SHISA9: variants seen among roughly 807,000 people sequenced by gnomAD.
SHISA9 encodes protein shisa-9.
Under a neutral mutation model 38.0 loss-of-function variants are expected in SHISA9, and 13 were observed. The observed-to-expected ratio is 0.34, with a 90% CI of 0.22 to 0.54. The LOEUF (loss-of-function observed/expected upper bound fraction) is 0.54, where lower values mean the gene tolerates loss of function less well. Ranked by LOEUF, SHISA9 falls within the 20% of genes least tolerant of loss-of-function variation. The pLI is 0.91. For missense variants in SHISA9, 538 were observed against 575.8 expected (o/e 0.93, Z 0.67); for synonymous variants, 275 against 242.0 (o/e 1.14, Z -1.27).
At chr16:13,289,733 T>A in the SHISA9 span, among the ~76,000 whole-genome samples, 1 of 152,024 alleles carries the variant, frequency 6.6e-6, no homozygotes, top group Non-Finnish European at 1.5e-5. Flanking sequence ...GCTGATTAAT[T>A]TCTGGGAGCA....
chr16:13,185,286 C>A (rs1222820627), intron 2 of SHISA9, among the ~76,000 whole-genome samples: 1 of 152,198 alleles, frequency 6.6e-6, no homozygotes, highest in African/African-American at 2.4e-5. Flanking sequence ...ATTGTAGCAT[C>A]AAACTCCTGG....
At chr16:12,911,952 T>C (rs1026369368) in intron 1 of SHISA9, among the ~76,000 whole-genome samples, 2 of 152,260 alleles carry the variant, frequency 1.3e-5, no homozygotes, top group African/African-American at 4.8e-5. Context: ...TACCCCAAGC[T>C]AATAAATAAT....
chr16:13,520,351 G>A, the SHISA9 span, among the ~76,000 whole-genome samples: 1 of 152,090 alleles, frequency 6.6e-6, no homozygotes, highest in Non-Finnish European at 1.5e-5. Context: ...TGTAATCCCA[G>A]CACTTTGGGA....
intron 2 of SHISA9, among the ~76,000 whole-genome samples, chr16:12,928,129 G>A (rs1292220451): frequency 6.6e-6 from 1 of 152,072 alleles, no homozygotes; most frequent in South Asian, 2.1e-4. Flanking sequence ...AATGAAGTTA[G>A]CCTCATGAAA....
chr16:13,263,692 G>C, the SHISA9 span, among the ~76,000 whole-genome samples: 2 of 152,196 alleles, frequency 1.3e-5, no homozygotes, highest in African/African-American at 2.4e-5. Flanking sequence ...ATACAGTCAG[G>C]GACATATAAT....
At chr16:13,540,465 G>C in the SHISA9 span, among the ~76,000 whole-genome samples, 2 of 152,170 alleles carry the variant, frequency 1.3e-5, no homozygotes, top group African/African-American at 4.8e-5. Context: ...CCGAGGTTTA[G>C]GGCCTACACT....
chr16:13,035,603 T>G (rs2073048578), intron 2 of SHISA9, among the ~76,000 whole-genome samples: 1 of 152,058 alleles, frequency 6.6e-6, no homozygotes, highest in Non-Finnish European at 1.5e-5. Context: ...TGATGTCGGC[T>G]CACTGCAACT....
At chr16:12,905,265 CAGTT>C (rs1185610607) in intron 1 of SHISA9, among the ~76,000 whole-genome samples, 2 of 152,168 alleles carry the variant, frequency 1.3e-5, no homozygotes, top group African/African-American at 2.4e-5. Context: ...CAAGATCACA[CAGTT>C]AGGAAATTAT....
chr16:13,500,015 G>C, the SHISA9 span, among the ~76,000 whole-genome samples: 1 of 152,260 alleles, frequency 6.6e-6, no homozygotes, highest in East Asian at 1.9e-4. Context: ...TAGCAGCGTG[G>C]TGTGATAGAT....
chr16:13,475,997 C>T, the SHISA9 span, among the ~76,000 whole-genome samples: 4 of 152,148 alleles, frequency 2.6e-5, no homozygotes, highest in South Asian at 8.3e-4. Context: ...TTTGCTTGCC[C>T]ACTGCTCACC....
intron 2 of SHISA9, among the ~76,000 whole-genome samples, chr16:12,958,225 G>A (rs868557430): frequency 2.6e-5 from 4 of 152,094 alleles, no homozygotes; most frequent in African/African-American, 4.8e-5. Flanking sequence ...AAGGTAGTGC[G>A]GTATTCCATT....
At chr16:13,051,087 T>C (rs187383612) in intron 2 of SHISA9, among the ~76,000 whole-genome samples, 132 of 152,288 alleles carry the variant, frequency 8.7e-4, no homozygotes, top group African/African-American at 3.0e-3. Flanking sequence ...TGCATCCTAC[T>C]GAGTACGTAC....
chr16:13,266,854 A>G, the SHISA9 span, among the ~76,000 whole-genome samples: 2 of 152,208 alleles, frequency 1.3e-5, no homozygotes, highest in African/African-American at 4.8e-5. Flanking sequence ...TGGGGAAGGC[A>G]GGGATTATTT....
chr16:13,419,904 T>G, the SHISA9 span, among the ~76,000 whole-genome samples: 1 of 151,130 alleles, frequency 6.6e-6, no homozygotes. Flanking sequence ...CAATGTTTAG[T>G]GAAATCTACA....
the SHISA9 span, among the ~76,000 whole-genome samples, chr16:13,315,682 A>C: frequency 6.6e-6 from 1 of 152,246 alleles, no homozygotes; most frequent in Non-Finnish European, 1.5e-5. Context: ...TGAGAATTAA[A>C]TAAATTACTG....
At chr16:13,502,001 CA>C in the SHISA9 span, among the ~76,000 whole-genome samples, 417 of 129,080 alleles carry the variant, frequency 3.2e-3, 1 homozygote, top group African/African-American at 9.2e-3. Flanking sequence ...AACTCCGTAT[CA>C]AAAAAAAAAA....
chr16:13,000,822 T>A (rs1181840660), intron 2 of SHISA9, among the ~76,000 whole-genome samples: 1 of 152,228 alleles, frequency 6.6e-6, no homozygotes, highest in Non-Finnish European at 1.5e-5. Flanking sequence ...ACAAGCTGTA[T>A]AAGACTGAGA....
At chr16:12,992,003 C>T (rs1019218651) in intron 2 of SHISA9, among the ~76,000 whole-genome samples, 2 of 151,972 alleles carry the variant, frequency 1.3e-5, no homozygotes, top group Admixed American at 1.3e-4. Context: ...TAGAAGGGTA[C>T]CCAGCACATA....
chr16:13,561,349 T>C, the SHISA9 span, among the ~76,000 whole-genome samples: 1 of 152,132 alleles, frequency 6.6e-6, no homozygotes. Flanking sequence ...TTGCAGCATC[T>C]CCAACTAGGA....
Sources: allele counts gnomAD v4.1 joint callset (sites outside exome capture counted in the v4.1 genomes callset), GRCh38; gene constraint gnomAD v4.1.1; transcripts MANE v1.5; gene names NCBI Gene and HGNC (gene_info 2026-07-23, HGNC 2026-07-21).